IMMP1L: variants seen among roughly 807,000 people sequenced by gnomAD.
IMMP1L encodes the protein mitochondrial inner membrane protease subunit 1.
IMMP1L carries 24 observed loss-of-function variants against 21.8 expected under a neutral mutation model. The observed-to-expected ratio is 1.10, with a 90% CI of 0.80 to 1.55. The LOEUF (loss-of-function observed/expected upper bound fraction) is 1.55. Among genes scored for constraint, IMMP1L ranks in the 40% most tolerant of loss-of-function variants. The pLI, the probability that IMMP1L is intolerant of heterozygous loss-of-function variation, is 0.00. For synonymous variants in IMMP1L, 46 were observed against 62.8 expected, an observed-to-expected ratio of 0.73 and a Z score of 1.26; for missense variants, 195 against 200.7, an observed-to-expected ratio of 0.97 and a Z score of 0.17.
At chr11:31,462,802 A>G (rs1299785844) in intron 2 of IMMP1L, among the ~76,000 whole-genome samples, 1 of 152,230 alleles carries the variant, frequency 6.6e-6, no homozygotes, top group Non-Finnish European at 1.5e-5. Flanking sequence ...ATTACTAGTA[A>G]GTATCTCAAA....
intron 4 of IMMP1L, among the ~76,000 whole-genome samples, chr11:31,443,747 A>T (rs1953418816): frequency 6.6e-6 from 1 of 152,072 alleles, no homozygotes; most frequent in South Asian, 2.1e-4. Flanking sequence ...TATCTACATC[A>T]TTGCTGGGAA....
chr11:31,454,696 TC>T, intron 4 of IMMP1L, among the ~76,000 whole-genome samples: 1 of 152,324 alleles, frequency 6.6e-6, no homozygotes, highest in East Asian at 1.9e-4. Context: ...AAAATTTACA[TC>T]TTACAGTGCT....
intron 4 of IMMP1L, among the ~76,000 whole-genome samples, chr11:31,446,229 T>G (rs1953514223): frequency 6.6e-6 from 1 of 152,190 alleles, no homozygotes; most frequent in Non-Finnish European, 1.5e-5. Flanking sequence ...ATTATTTCCT[T>G]AATCTTTCTG....
intron 4 of IMMP1L, among the ~76,000 whole-genome samples, chr11:31,454,023 A>ATCT (rs1204342967): frequency 6.6e-6 from 1 of 152,146 alleles, no homozygotes; most frequent in Non-Finnish European, 1.5e-5. Context: ...CCTATCAGTA[A>ATCT]AATACTGTTA....
chr11:31,442,474 T>G (rs1021564885), intron 4 of IMMP1L, among the ~76,000 whole-genome samples: 1 of 152,162 alleles, frequency 6.6e-6, no homozygotes, highest in Non-Finnish European at 1.5e-5. Flanking sequence ...GCAAATAACA[T>G]CTAATTAAGA....
chr11:31,495,043 G>C (rs1218412739), intron 1 of IMMP1L, among the ~76,000 whole-genome samples: 2 of 152,172 alleles, frequency 1.3e-5, no homozygotes, highest in Non-Finnish European at 2.9e-5. Context: ...CAAGTTCAAA[G>C]TTCCACGGAT....
chr11:31,451,332 G>A lies in IMMP1L; in HGVS notation c.321+4928C>T, dbSNP rs147016701. Among the ~76,000 whole-genome samples the A allele has an allele frequency of 1.4e-4, 21 of 152,228 alleles. No homozygotes were observed. The South Asian group carries it at 3.5e-3, about 26-fold the overall frequency. On this transcript the variant is annotated intron_variant, in intron 4 of 5. Coordinates refer to ENST00000532287, the MANE Select transcript of IMMP1L (RefSeq NM_001304274.2). ...GAAAGGGTAGAGATGCCAGAAAATC[G>A]GAAGGGTATAAGCAAAGAAAACAGT...
At chr11:31,495,910 A>AACAG (rs1218955967) in intron 1 of IMMP1L, among the ~76,000 whole-genome samples, 1 of 152,120 alleles carries the variant, frequency 6.6e-6, no homozygotes, top group Admixed American at 6.6e-5. Context: ...AAACTACACA[A>AACAG]CTCTTGATTG....
chr11:31,479,279 C>T lies in IMMP1L; in HGVS notation c.-29-15974G>A, dbSNP rs1037440279. Reference sequence around the variant, plus strand: ...ACATTTATTACATTAGTCATTATCACGTCATCATCACAATCTCTTTAAACA... The same window carrying T: ...ACATTTATTACATTAGTCATTATCATGTCATCATCACAATCTCTTTAAACA... On this transcript the variant is annotated intron_variant, in intron 1 of 5. Coordinates refer to ENST00000532287, the MANE Select transcript of IMMP1L (RefSeq NM_001304274.2). 6.6e-5 allele frequency among the ~76,000 whole-genome samples: 10 copies of T among 152,134 alleles called. No individual in the cohort carries two copies. In the East Asian group the frequency reaches 1.5e-3, roughly 24 times the overall value.
chr11:31,493,857 C>T (rs529048224), intron 1 of IMMP1L, among the ~76,000 whole-genome samples: 174 of 152,330 alleles, frequency 1.1e-3, no homozygotes, highest in Admixed American at 2.9e-3. Flanking sequence ...CCAAAATGAT[C>T]TCCTTTGACT....
At chr11:31,499,423 T>C (rs747855921) in intron 1 of IMMP1L, among the ~76,000 whole-genome samples, 1 of 150,616 alleles carries the variant, frequency 6.6e-6, no homozygotes, top group Non-Finnish European at 1.5e-5. Context: ...ACAGTACGTT[T>C]TAAAAAATAA....
intron 4 of IMMP1L, among the ~76,000 whole-genome samples, chr11:31,446,707 C>G (rs1414851325): frequency 6.6e-6 from 1 of 152,176 alleles, no homozygotes; most frequent in Non-Finnish European, 1.5e-5. Context: ...TGACTAACTC[C>G]TACTTACCCT....
intron 1 of IMMP1L, among the ~76,000 whole-genome samples, chr11:31,503,102 A>G (rs1955673773): frequency 6.6e-6 from 1 of 152,222 alleles, no homozygotes; most frequent in Admixed American, 6.5e-5. Context: ...GGTCAGTCCC[A>G]GCTTACTCCT....
intron 1 of IMMP1L, among the ~76,000 whole-genome samples, chr11:31,492,756 G>A (rs1344094141): frequency 1.3e-5 from 2 of 152,190 alleles, no homozygotes; most frequent in Admixed American, 1.3e-4. Flanking sequence ...GCGAAGGAGA[G>A]CTGGGGGGAC....
chr11:31,482,739 G>A (rs1049977525), intron 1 of IMMP1L, among the ~76,000 whole-genome samples: 3 of 151,926 alleles, frequency 2.0e-5, no homozygotes, highest in Non-Finnish European at 4.4e-5. Context: ...GAACTCTCTC[G>A]CATACTATAA....
intron 1 of IMMP1L, among the ~76,000 whole-genome samples, chr11:31,463,708 T>C (rs1954231978): frequency 1.3e-5 from 2 of 152,146 alleles, no homozygotes; most frequent in African/African-American, 2.4e-5. Flanking sequence ...GAGAAATCAC[T>C]AGAATAGGAA....
rs552530624 is a variant in IMMP1L at position 31,455,774 on chromosome 11, T to C, written c.321+486A>G. ...TGACCCTCAATTTGATATTGTCTTATGTTTTCTCATGAGTAGATTGAGGTT... is the reference window on the plus strand; with the variant it reads ...TGACCCTCAATTTGATATTGTCTTACGTTTTCTCATGAGTAGATTGAGGTT... On this transcript the variant is annotated intron_variant, in intron 4 of 5. Coordinates refer to ENST00000532287, the MANE Select transcript of IMMP1L (RefSeq NM_001304274.2). 8.5e-5 allele frequency among the ~76,000 whole-genome samples: 13 copies of C among 152,292 alleles called. No individual in the cohort carries two copies. In the South Asian group the frequency reaches 2.5e-3, roughly 29 times the overall value.
intron 1 of IMMP1L, among the ~76,000 whole-genome samples, chr11:31,481,851 C>T (rs545453196): frequency 6.6e-6 from 1 of 151,818 alleles, no homozygotes; most frequent in Non-Finnish European, 1.5e-5. Context: ...TATTTAAAAT[C>T]CTAAGCTTTA....
chr11:31,452,674 T>C, intron 4 of IMMP1L: 1 of 990,152 alleles, frequency 1.0e-6, no homozygotes, highest in Non-Finnish European at 1.2e-6. Context: ...TAGCCAATGC[T>C]CAGTTCATAC....
Sources: gnomAD v4.1 joint callset for allele counts (sites outside exome capture counted in the v4.1 genomes callset) on GRCh38, gnomAD v4.1.1 for gene constraint, MANE v1.5 for transcripts, NCBI Gene and HGNC (gene_info 2026-07-23, HGNC 2026-07-21) for gene names.